The following ABCA10 variants were observed in gnomAD, a reference collection of about 807,000 sequenced individuals.
ABCA10 encodes ATP binding cassette subfamily A member 10, also known as ATP-binding cassette sub-family A member 10.
In ABCA10, 169 loss-of-function variants were observed where a neutral mutation model predicts 187.5. The ratio of observed to expected loss-of-function variants is 0.90; its 90% CI spans 0.80 to 1.02. The LOEUF (loss-of-function observed/expected upper bound fraction) is 1.02. Ranked by LOEUF, ABCA10 falls within the 50% of genes least tolerant of loss-of-function variation. The probability of loss-of-function intolerance (pLI) is 0.00; values close to 1 mark genes in which losing one functional copy is unlikely to be tolerated. For synonymous variants in ABCA10, 574 were observed against 601.8 expected (o/e 0.95, Z 0.68); for missense variants, 1,727 against 1,812.4 (o/e 0.95, Z 0.86).
intron 9 of ABCA10, among the ~76,000 whole-genome samples, chr17:69,214,241 C>T (rs572529347): frequency 6.6e-6 from 1 of 152,274 alleles, no homozygotes; most frequent in South Asian, 2.1e-4. Flanking sequence ...TTCGGCCGGG[C>T]GCGGTGGCTC....
chr17:69,176,368 C>T (rs1277412633), intron 22 of ABCA10, among the ~76,000 whole-genome samples: 1 of 151,460 alleles, frequency 6.6e-6, no homozygotes, highest in East Asian at 1.9e-4. Flanking sequence ...ATTGAGGGGT[C>T]TTTAAGTTTT....
intron 3 of ABCA10, 59 bp downstream of exon 3, chr17:69,225,265 CA>C: frequency 5.1e-6 from 8 of 1,583,924 alleles, no homozygotes; most frequent in Non-Finnish European, 6.9e-6. Context: ...ATTCAACCTG[CA>C]AAAAGAACTT....
At chr17:69,184,122 C>A (rs2074402742) in intron 20 of ABCA10, among the ~76,000 whole-genome samples, 2 of 152,236 alleles carry the variant, frequency 1.3e-5, no homozygotes, top group Non-Finnish European at 1.5e-5. Flanking sequence ...CTGTACGATG[C>A]AGCAGAAGCA....
At chr17:69,149,402 C>A (rs531334402) in intron 37 of ABCA10, 1 of 287,006 alleles carries the variant, frequency 3.5e-6, no homozygotes, top group East Asian at 7.1e-5. Context: ...ATTTGTAAAT[C>A]TACAGAGGAG....
chr17:69,205,131 A>AAAAT (rs2074581737), intron 9 of ABCA10, among the ~76,000 whole-genome samples: 2 of 152,180 alleles, frequency 1.3e-5, no homozygotes, highest in Non-Finnish European at 2.9e-5. Context: ...CTGTCTCAAA[A>AAAAT]AAATAAATAA....
Position 69,216,325 on chromosome 17 carries a change from GA to G in ABCA10, c.563del (p.Ile188ThrfsTer12), listed in dbSNP as rs757937950. On this transcript the variant is annotated frameshift_variant, in exon 7 of 39. Coordinates refer to ENST00000690296, the MANE Select transcript of ABCA10 (RefSeq NM_001377321.1). LOFTEE classifies it high-confidence loss of function. ...LSWGLTYICFIFIMSIFMALV... is the reference protein window; with the variant it reads ...LSWGLTYICFXFIMSIFMALV... ...GAGCCATAAAAATGGACATAATGAA[GA>G]TGAAGCAAATGTATGTCAATCCCCA... is the stretch of plus-strand genomic sequence containing the variant. 1.7e-5 allele frequency: 27 copies of G among 1,613,104 alleles called. No individual in the cohort carries two copies. In the Admixed American group the frequency reaches 4.5e-4, roughly 27 times the overall value.
At chr17:69,159,509 A>G (rs1052409417) in intron 27 of ABCA10, among the ~76,000 whole-genome samples, 7 of 152,194 alleles carry the variant, frequency 4.6e-5, no homozygotes, top group African/African-American at 1.7e-4. Flanking sequence ...CATCAGAGTC[A>G]GATTGCTGAA....
intron 9 of ABCA10, among the ~76,000 whole-genome samples, chr17:69,205,050 T>G (rs2074580887): frequency 6.6e-6 from 1 of 151,982 alleles, no homozygotes; most frequent in Non-Finnish European, 1.5e-5. Context: ...ATTGCTTGAG[T>G]CTGGGAGGCA....
At chr17:69,170,753 GA>G (rs5821700) in intron 25 of ABCA10, among the ~76,000 whole-genome samples, 43,518 of 147,420 alleles carry the variant, frequency 0.3, 7,535 homozygotes, top group African/African-American at 0.49. Context: ...AGTTTCAAGG[GA>G]AAAAAAAAAA....
rs1453544611 is a variant in ABCA10, at chr17:69,175,463, CA to C, written c.2819del (p.Leu940CysfsTer2). ...LGFIDGSIFL[L>X]LITNCVSPFI... The stretch of plus-strand genomic sequence containing the variant: ...AAGGAGAAACGCAGTTTGTGATCAA[CA>C]ACAAAAATATGGACCCATCTATAAA... On this transcript the variant is annotated frameshift_variant, in exon 23 of 39. Coordinates refer to ENST00000690296, the MANE Select transcript of ABCA10 (RefSeq NM_001377321.1). LOFTEE classifies it high-confidence loss of function. The C allele has an allele frequency of 1.2e-6, 2 of 1,612,098 alleles. No homozygotes were observed. The highest frequency in any genetic ancestry group is 2.2e-5 in the South Asian group (2 of 90,936).
rs149787159 is a variant in ABCA10, at chr17:69,182,191, T to G, written c.2731A>C (p.Thr911Pro). Residue 911 changes from threonine to proline, a missense_variant, in exon 22 of 39, where the codon ACG (threonine) becomes CCG (proline). Coordinates refer to ENST00000690296, the MANE Select transcript of ABCA10 (RefSeq NM_001377321.1). ...SNALMGIFNF[T>P]ELIQMESTSF... ...GTGCTCTCCATTTGAATAAGCTCCG[T>G]GAAGTTAAAAATTCCCATAAGGGCA... 44 of 1,594,044 alleles carry G rather than the reference T, an allele frequency of 2.8e-5. No individual in the cohort carries two copies. Among genetic ancestry groups the G allele is most frequent in the Non-Finnish European group, 3.5e-5 (41 of 1,170,422 alleles).
chr17:69,219,535 C>A lies in ABCA10; in HGVS notation c.530+10G>T, dbSNP rs1300271529. On this transcript the variant is annotated intron_variant, in intron 6 of 38. Transcript: ENST00000690296. ...TGTATGATATACAGTAAAGTAGCAA[C>A]TTAACTTACCAGAATGCTGACTCTC... 1 of 1,537,504 alleles carries A rather than the reference C, an allele frequency of 6.5e-7. No homozygotes were observed. The highest frequency in any genetic ancestry group is 8.8e-7 in the Non-Finnish European group (1 of 1,139,476).
At chr17:69,209,804 T>C (rs1424025751) in intron 9 of ABCA10, among the ~76,000 whole-genome samples, 1 of 152,194 alleles carries the variant, frequency 6.6e-6, no homozygotes, top group Non-Finnish European at 1.5e-5. Context: ...CCATGGCTCC[T>C]AGACTACAAA....
At chr17:69,152,698 G>T (rs2074139801) in intron 34 of ABCA10, among the ~76,000 whole-genome samples, 2 of 151,998 alleles carry the variant, frequency 1.3e-5, no homozygotes, top group South Asian at 4.1e-4. Flanking sequence ...GAGATGAGTG[G>T]ATCACTTAAG....
chr17:69,221,245 A>G (rs193258226), intron 5 of ABCA10, among the ~76,000 whole-genome samples: 1 of 152,316 alleles, frequency 6.6e-6, no homozygotes, highest in East Asian at 1.9e-4. Context: ...TTGACATGGA[A>G]GTTGTTATTT....
rs369822658 is a variant in ABCA10, at chr17:69,197,009, A to AGGGAGGGGGAGGGGGAGGGGGAGG, written c.1234+54_1234+55insCCTCCCCCTCCCCCTCCCCCTCCC. On this transcript the variant is annotated intron_variant, in intron 11 of 38. Transcript: ENST00000690296. Reference sequence around the variant, plus strand: ...GGCATCAGAGGGAGACCGTGGACAGAGGGAGGGGGAGGGGGAGAGGGAGAG... The same window carrying AGGGAGGGGGAGGGGGAGGGGGAGG: ...GGCATCAGAGGGAGACCGTGGACAGAGGGAGGGGGAGGGGGAGGGGGAGGGGGAGGGGGAGGGGGAGAGGGAGAG... The AGGGAGGGGGAGGGGGAGGGGGAGG allele has an allele frequency of 3.6e-6, 4 of 1,113,884 alleles. No individual in the cohort carries two copies. The African/African-American group carries it at 5.6e-5, about 15-fold the overall frequency. The allele number at this position is 1,113,884 out of a possible 1,614,324, so 69.0% of individuals were successfully genotyped here.
At chr17:69,219,798 T>C in intron 5 of ABCA10, 27 bp from the exon 6 acceptor site, 1 of 1,439,360 alleles carries the variant, frequency 6.9e-7, no homozygotes, top group Non-Finnish European at 9.4e-7. Context: ...GCAAATTTAT[T>C]ATGTGAACTA....
intron 20 of ABCA10, 63 bp downstream of exon 20, chr17:69,185,414 T>A: frequency 6.6e-7 from 1 of 1,511,068 alleles, no homozygotes; most frequent in Non-Finnish European, 9.0e-7. Flanking sequence ...GTCTCTCAGG[T>A]ATGTGCTTTC....
rs77718465 is a variant in ABCA10, at chr17:69,153,995, G to C, written c.3801C>G (p.Gly1267=). ...KPTAGVVVLQ[G]SRASVRQQHD... is the part of the protein sequence containing the mutation. ...GCTGTTGCCTTACTGATGCTCTGCT[G>C]CCTTGTAACACCACCTGCACAAGAC... Residue 1267 remains glycine, a synonymous_variant, in exon 32 of 39, where the codon GGC becomes GGG. Transcript: ENST00000690296. 2,780 of 1,613,642 alleles carry C rather than the reference G, an allele frequency of 1.7e-3. 30 individuals carry two copies. The African/African-American group carries it at 0.031, about 18-fold the overall frequency.
Sources: gnomAD v4.1 joint callset for allele counts (sites outside exome capture counted in the v4.1 genomes callset) on GRCh38, gnomAD v4.1.1 for gene constraint, MANE v1.5 for transcripts, NCBI Gene and HGNC (gene_info 2026-07-23, HGNC 2026-07-21) for gene names.